SESTD1: variants seen among roughly 807,000 people sequenced by gnomAD.
SESTD1 encodes SEC14 and spectrin domain containing 1, also known as SEC14 domain and spectrin repeat-containing protein 1.
SESTD1 carries 43 observed loss-of-function variants against 101.7 expected under a neutral mutation model. The observed-to-expected ratio is 0.42, with a 90% CI of 0.33 to 0.55. The LOEUF (loss-of-function observed/expected upper bound fraction) is 0.55, where lower values mean the gene tolerates loss of function less well. SESTD1 is among the 20% of genes least tolerant of loss of function. SESTD1 has a pLI of 0.07. For missense variants in SESTD1, 647 were observed against 815.1 expected, an observed-to-expected ratio of 0.79 and a Z score of 2.51; for synonymous variants, 283 against 286.8, an observed-to-expected ratio of 0.99 and a Z score of 0.13.
At chr2:179,200,601 T>C (rs1280214991) in intron 1 of SESTD1, among the ~76,000 whole-genome samples, 1 of 151,858 alleles carries the variant, frequency 6.6e-6, no homozygotes, top group East Asian at 1.9e-4. Flanking sequence ...CGAATAGAGC[T>C]CTCAGAAATA....
At position 179,182,907 on chromosome 2, in the gene SESTD1, T is replaced by C. The variant is rs546045614; in HGVS notation, c.164+173A>G. 2.0e-5 allele frequency among the ~76,000 whole-genome samples: 3 copies of C among 151,866 alleles called. No individual in the cohort carries two copies. In the South Asian group the frequency reaches 6.2e-4, roughly 31 times the overall value. On this transcript the variant is annotated intron_variant, in intron 3 of 17. Coordinates refer to ENST00000428443, the MANE Select transcript of SESTD1 (RefSeq NM_178123.5). ...CCTTAAATTCATCAAGAGCATAAAA[T>C]AAGCATTTTATCTGCAATGATGTTA...
chr2:179,205,590 T>C (rs2046580259), intron 1 of SESTD1, among the ~76,000 whole-genome samples: 1 of 135,366 alleles, frequency 7.4e-6, no homozygotes, highest in Admixed American at 7.2e-5. Flanking sequence ...GGGTGCTTTA[T>C]CCAACCTTTC....
At chr2:179,171,279 T>C (rs1489885481) in intron 5 of SESTD1, among the ~76,000 whole-genome samples, 2 of 152,188 alleles carry the variant, frequency 1.3e-5, no homozygotes, top group Admixed American at 6.5e-5. Flanking sequence ...TTTCAAGCCA[T>C]CTCCTTTAAG....
chr2:179,258,700 C>A (rs1034243979), intron 1 of SESTD1, among the ~76,000 whole-genome samples: 2 of 152,216 alleles, frequency 1.3e-5, no homozygotes, highest in Non-Finnish European at 2.9e-5. Context: ...TGCACACACA[C>A]ACACACCACT....
chr2:179,249,640 T>C (rs1177870158), intron 1 of SESTD1, among the ~76,000 whole-genome samples: 1 of 152,130 alleles, frequency 6.6e-6, no homozygotes, highest in East Asian at 1.9e-4. Context: ...CAAAATTCTT[T>C]GTAAATACAG....
At chr2:179,242,041 A>G (rs2047162209) in intron 1 of SESTD1, among the ~76,000 whole-genome samples, 1 of 152,190 alleles carries the variant, frequency 6.6e-6, no homozygotes, top group Non-Finnish European at 1.5e-5. Flanking sequence ...TGTTTTCATT[A>G]TAATATGATT....
At chr2:179,217,176 T>C (rs887530792) in intron 1 of SESTD1, among the ~76,000 whole-genome samples, 1 of 152,168 alleles carries the variant, frequency 6.6e-6, no homozygotes, top group Admixed American at 6.5e-5. Flanking sequence ...CAAAAGAAAC[T>C]ACCATCAGAG....
intron 11 of SESTD1, among the ~76,000 whole-genome samples, 164 bp downstream of exon 11, chr2:179,124,200 G>A (rs1194339938): frequency 6.6e-6 from 1 of 151,914 alleles, no homozygotes; most frequent in Non-Finnish European, 1.5e-5. Flanking sequence ...AAAAATACTT[G>A]TTTTTAAAAA....
chr2:179,180,356 C>T (rs542538544), intron 3 of SESTD1, among the ~76,000 whole-genome samples: 116 of 152,182 alleles, frequency 7.6e-4, no homozygotes, highest in Admixed American at 1.5e-3. Flanking sequence ...TTGGACATCT[C>T]CTATTAGGAA....
intron 13 of SESTD1, among the ~76,000 whole-genome samples, chr2:179,119,534 G>A (rs543408665): frequency 3.9e-4 from 59 of 152,280 alleles, no homozygotes; most frequent in Admixed American, 1.2e-3. Flanking sequence ...GATGTGATTA[G>A]ATGCCTCCCC....
intron 1 of SESTD1, among the ~76,000 whole-genome samples, chr2:179,256,811 C>CAA (rs368195849): frequency 0.093 from 7,110 of 76,394 alleles, 555 homozygotes; most frequent in African/African-American, 0.23. Flanking sequence ...GACTCCACCT[C>CAA]AAAAAAAAAA....
intron 9 of SESTD1, among the ~76,000 whole-genome samples, chr2:179,140,434 G>T (rs924097756): frequency 2.1e-4 from 32 of 152,162 alleles, no homozygotes; most frequent in African/African-American, 7.5e-4. Flanking sequence ...ACAGGCAGAA[G>T]ATGGCCATCG....
intron 5 of SESTD1, 59 bp from the exon 6 acceptor site, chr2:179,151,450 G>A (rs1165626529): frequency 3.3e-6 from 4 of 1,200,010 alleles, no homozygotes; most frequent in Non-Finnish European, 4.6e-6. Context: ...ATCCACGAAA[G>A]TAACCAGGAG....
At chr2:179,116,512 G>C in intron 15 of SESTD1, 156 bp downstream of exon 15, 1 of 1,177,930 alleles carries the variant, frequency 8.5e-7, no homozygotes, top group Non-Finnish European at 1.2e-6. Flanking sequence ...ATGCAGGCTA[G>C]TTTTGATGCA....
At chr2:179,262,009 T>C (rs914821076) in intron 1 of SESTD1, among the ~76,000 whole-genome samples, 2 of 152,158 alleles carry the variant, frequency 1.3e-5, no homozygotes, top group Non-Finnish European at 1.5e-5. Flanking sequence ...AAATGTGGCA[T>C]AGCCATATAA....
At chr2:179,111,381 G>T (rs1351693180) in intron 17 of SESTD1, among the ~76,000 whole-genome samples, 1 of 152,230 alleles carries the variant, frequency 6.6e-6, no homozygotes, top group African/African-American at 2.4e-5. Flanking sequence ...TGTCAGATCT[G>T]TTTTAAGTAC....
rs572741740 is a variant in SESTD1 at position 179,218,067 on chromosome 2, C to G, written c.-25-26201G>C. On this transcript the variant is annotated intron_variant, in intron 1 of 17. Coordinates refer to ENST00000428443, the MANE Select transcript of SESTD1 (RefSeq NM_178123.5). Reference sequence around the variant, plus strand: ...ATGGGTGCAGCAAACCAATATGGCACATGTATACCTATGTAACAAACCTGC... The same window carrying G: ...ATGGGTGCAGCAAACCAATATGGCAGATGTATACCTATGTAACAAACCTGC... 5.2e-4 allele frequency among the ~76,000 whole-genome samples: 79 copies of G among 152,278 alleles called. 2 individuals carry two copies. The South Asian group carries it at 0.016, about 31-fold the overall frequency.
chr2:179,205,375 T>G (rs1183496660), intron 1 of SESTD1, among the ~76,000 whole-genome samples: 2 of 134,542 alleles, frequency 1.5e-5, no homozygotes, highest in African/African-American at 5.9e-5. Flanking sequence ...ATGGATAAAA[T>G]CTATTAATAT....
intron 12 of SESTD1, 37 bp downstream of exon 12, chr2:179,123,678 A>AAC (rs1445326265): frequency 2.7e-6 from 4 of 1,473,606 alleles, no homozygotes; most frequent in Non-Finnish European, 3.7e-6. Context: ...TAAAAAAAAA[A>AAC]AAACCTTATG....
Sources: allele counts gnomAD v4.1 joint callset (sites outside exome capture counted in the v4.1 genomes callset), GRCh38; gene constraint gnomAD v4.1.1; transcripts MANE v1.5; gene names NCBI Gene and HGNC (gene_info 2026-07-23, HGNC 2026-07-21).